Variants in SLC2A5 observed in about 807,000 individuals in gnomAD.
SLC2A5 encodes the protein solute carrier family 2 member 5, also known as solute carrier family 2, facilitated glucose transporter member 5.
SLC2A5 carries 56 observed loss-of-function variants against 50.3 expected under a neutral mutation model. That is an observed-to-expected ratio of 1.11 (90% confidence interval 0.90 to 1.39). The LOEUF (loss-of-function observed/expected upper bound fraction) is 1.39, where lower values mean the gene tolerates loss of function less well. Among genes scored for constraint, SLC2A5 ranks in the 40% most tolerant of loss-of-function variants. The pLI, the probability that SLC2A5 is intolerant of heterozygous loss-of-function variation, is 0.00. For missense variants in SLC2A5, 566 were observed against 650.1 expected (o/e 0.87, Z 1.41); for synonymous variants, 269 against 281.9 (o/e 0.95, Z 0.46).
At chr1:9,046,975 TTC>T (rs149740983) in intron 4 of SLC2A5, among the ~76,000 whole-genome samples, 571 of 146,630 alleles carry the variant, frequency 3.9e-3, no homozygotes, top group Non-Finnish European at 3.8e-3. Context: ...GCAGTTTCCC[TTC>T]TCTCTCTCTC....
intron 1 of SLC2A5, among the ~76,000 whole-genome samples, chr1:9,064,597 C>T (rs954659132): frequency 6.6e-6 from 1 of 152,018 alleles, no homozygotes; most frequent in Non-Finnish European, 1.5e-5. Flanking sequence ...TTTAAATGAC[C>T]GGGCCAGCAA....
chr1:9,075,174 A>G (rs1438072792), intron 2 of SLC2A5, among the ~76,000 whole-genome samples: 1 of 152,200 alleles, frequency 6.6e-6, no homozygotes, highest in East Asian at 1.9e-4. Context: ...CAACAGATAA[A>G]CAAAGAGGAA....
At chr1:9,039,450 A>C in intron 8 of SLC2A5, 102 bp downstream of exon 8, 2 of 793,352 alleles carry the variant, frequency 2.5e-6, no homozygotes, top group Non-Finnish European at 1.9e-6. Context: ...CTGGTCCTCC[A>C]CGTTTTGGGG....
At chr1:9,056,318 G>A (rs1197811442) in intron 3 of SLC2A5, among the ~76,000 whole-genome samples, 2 of 152,010 alleles carry the variant, frequency 1.3e-5, no homozygotes. Context: ...CCCGAGTAGG[G>A]GGGTTACAGG....
In SLC2A5 at chr1:9,045,928, C is replaced by T. The variant is rs529981269; in HGVS notation, c.418+1682G>A. On this transcript the variant is annotated intron_variant, in intron 4 of 11. Transcript: ENST00000377424. ...CCCAGCCAGGTGCTCTCAGGGAAAGCCGAGCACTAAGTGAAGTTTGCCATG... is the reference window on the plus strand; with the variant it reads ...CCCAGCCAGGTGCTCTCAGGGAAAGTCGAGCACTAAGTGAAGTTTGCCATG... 1.7e-3 allele frequency among the ~76,000 whole-genome samples: 255 copies of T among 151,688 alleles called. 3 individuals carry two copies. The highest frequency in any genetic ancestry group is 5.9e-3 in the African/African-American group (245 of 41,380).
intron 3 of SLC2A5, among the ~76,000 whole-genome samples, chr1:9,048,484 C>G (rs966417433): frequency 6.6e-6 from 1 of 151,964 alleles, no homozygotes; most frequent in Non-Finnish European, 1.5e-5. Context: ...TGCACTCCAG[C>G]CTGGGTGACA....
intron 1 of SLC2A5, among the ~76,000 whole-genome samples, chr1:9,067,618 T>C (rs1304512663): frequency 2.0e-5 from 3 of 152,138 alleles, no homozygotes; most frequent in Non-Finnish European, 2.9e-5. Context: ...TCTAACACTT[T>C]CTTAGTTGTA....
chr1:9,040,172 C>A lies in SLC2A5; in HGVS notation c.589G>T (p.Gly197Trp). Residue 197 changes from glycine (G) to tryptophan (W), a missense_variant, in exon 6 of 12, where the codon GGG (glycine) becomes TGG (tryptophan). By Grantham distance (184) the Gly-to-Trp change is radical. Transcript: ENST00000377424. The surrounding 1 kb of genome is among the most constrained non-coding windows in gnomAD (Gnocchi z 4.3). The part of the protein sequence containing the change: ...ANVDGWPILL[G>W]LTGVPAALQL... ...AGCGCCGCGGGGACCCCGGTCAGCC[C>A]CAGCAGGATCGGCCAGCCTGGGAGG... is the stretch of plus-strand genomic sequence containing the variant. The A allele has an allele frequency of 6.4e-7, 1 of 1,552,460 alleles. No homozygotes were observed. Among genetic ancestry groups the A allele is most frequent in the South Asian group, 1.2e-5 (1 of 84,526 alleles).
chr1:9,074,337 G>A (rs2124468269), upstream of SLC2A5, among the ~76,000 whole-genome samples: 2 of 152,268 alleles, frequency 1.3e-5, 1 homozygote, highest in South Asian at 4.1e-4. Context: ...TCTGTGGTCT[G>A]TGCCTTTCTC....
At chr1:9,068,494 C>T (rs1190674031) in intron 1 of SLC2A5, among the ~76,000 whole-genome samples, 1 of 147,290 alleles carries the variant, frequency 6.8e-6, no homozygotes, top group African/African-American at 2.5e-5. Flanking sequence ...TCTTGTTGAC[C>T]AGGCTGGAGT....
At chr1:9,089,991 A>T (rs184576710), upstream of SLC2A5, among the ~76,000 whole-genome samples, 2 of 152,266 alleles carry the variant, frequency 1.3e-5, no homozygotes, top group East Asian at 3.9e-4. Flanking sequence ...GTATTAACTG[A>T]ATATGAAGGC....
intron 2 of SLC2A5, among the ~76,000 whole-genome samples, chr1:9,079,531 G>C (rs1320094433): frequency 6.6e-6 from 1 of 152,158 alleles, no homozygotes; most frequent in Non-Finnish European, 1.5e-5. Context: ...TGTCACCCAG[G>C]CTGGAGTACA....
At chr1:9,089,455 G>C (rs966439803), upstream of SLC2A5, among the ~76,000 whole-genome samples, 1 of 152,098 alleles carries the variant, frequency 6.6e-6, no homozygotes, top group Non-Finnish European at 1.5e-5. Flanking sequence ...AATTAGAGGA[G>C]GGTCCCCAGA....
chr1:9,039,499 T>G, intron 8 of SLC2A5, 53 bp downstream of exon 8: 1 of 1,348,898 alleles, frequency 7.4e-7, no homozygotes, highest in Non-Finnish European at 1.0e-6. Flanking sequence ...GGCTGGGGCG[T>G]GGGGCCCGAG....
chr1:9,081,943 G>A (rs1225607254), intron 2 of SLC2A5, among the ~76,000 whole-genome samples: 1 of 152,052 alleles, frequency 6.6e-6, no homozygotes, highest in Non-Finnish European at 1.5e-5. Context: ...TTAGTCAGGT[G>A]TGTTGGTGCA....
chr1:9,051,737 C>G (rs1453473542), intron 3 of SLC2A5, among the ~76,000 whole-genome samples: 4 of 152,198 alleles, frequency 2.6e-5, no homozygotes, highest in Non-Finnish European at 4.4e-5. Context: ...TAAAATTAAA[C>G]ATATGCTTAT....
At chr1:9,053,106 A>T (rs1186495440) in intron 3 of SLC2A5, among the ~76,000 whole-genome samples, 1 of 107,386 alleles carries the variant, frequency 9.3e-6, no homozygotes, top group African/African-American at 3.9e-5. Flanking sequence ...ATTTATATAT[A>T]ATATATATTA....
intron 3 of SLC2A5, 96 bp downstream of exon 3, chr1:9,057,352 C>A: frequency 3.0e-4 from 161 of 542,160 alleles, no homozygotes; most frequent in East Asian, 3.8e-4. Flanking sequence ...TGGTTATTAT[C>A]TTAGTCTCAT....
intron 3 of SLC2A5, among the ~76,000 whole-genome samples, chr1:9,055,175 T>G (rs770023): frequency 6.6e-6 from 1 of 152,026 alleles, no homozygotes; most frequent in Admixed American, 6.6e-5. Context: ...TGTGTGATCT[T>G]GGGTAAGTTA....
Sources: allele counts gnomAD v4.1 joint callset (sites outside exome capture counted in the v4.1 genomes callset), GRCh38; gene constraint gnomAD v4.1.1; non-coding constraint Gnocchi (gnomAD v3.1); transcripts MANE v1.5; gene names NCBI Gene and HGNC (gene_info 2026-07-23, HGNC 2026-07-21).